NEK8: variants seen among roughly 807,000 people sequenced by gnomAD.
NEK8 encodes the protein serine/threonine-protein kinase Nek8.
A neutral mutation model predicts 77.2 loss-of-function variants in NEK8; 51 were observed. That is an observed-to-expected ratio of 0.66 (90% CI 0.53 to 0.83). The LOEUF is 0.83. NEK8 is among the 40% of genes least tolerant of loss of function. The pLI is 0.00. For missense variants in NEK8, 787 were observed against 909.2 expected (o/e 0.87, Z 1.73); for synonymous variants, 365 against 363.2 (o/e 1.00, Z -0.06).
Position 28,740,899 on chromosome 17 carries a change from G to A in NEK8, c.1646G>A (p.Ser549Asn), listed in dbSNP as rs764662024. 6.2e-7 allele frequency: 1 copy of A among 1,614,148 alleles called. No homozygotes were observed. Among genetic ancestry groups the A allele is most frequent in the African/African-American group, 1.3e-5 (1 of 75,048 alleles). ...VPHQQVEEAL[S>N]FTLLGSAPLD... ...CACCAGCAAGTGGAGGAGGCCCTGAGCTTCACACTACTAGGCTCTGCACCC... is the reference window on the plus strand; with the variant it reads ...CACCAGCAAGTGGAGGAGGCCCTGAACTTCACACTACTAGGCTCTGCACCC... Residue 549 changes from serine (S) to asparagine (N), a missense_variant, in exon 12 of 15, where the codon AGC becomes AAC. Coordinates refer to ENST00000268766, the MANE Select transcript of NEK8 (RefSeq NM_178170.3). This position sits in a 1 kb window ranked among gnomAD's most constrained non-coding sequence, Gnocchi z 4.7.
At position 28,739,214 on chromosome 17, in the gene NEK8, C is replaced by G. The variant is rs779260318; in HGVS notation, c.1417+13C>G. ...CGTGGAGACAGCGGTAAGCTCCAGC[C>G]TTTAGGCCCCATCTCACAGCATCCT... On this transcript the variant is annotated intron_variant, in intron 10 of 14. Coordinates refer to ENST00000268766, the MANE Select transcript of NEK8 (RefSeq NM_178170.3). The G allele has an allele frequency of 9.0e-6, 14 of 1,563,670 alleles. 1 individual carries two copies. The Admixed American group carries it at 2.3e-4, about 26-fold the overall frequency.
chr17:28,740,715 G>T lies in NEK8; in HGVS notation c.1568+102G>T. ...TTTCACCAAAGACCAGAATTGAGGG[G>T]GTTGAGGGTGCTATTGGTTCAACCC... On this transcript the variant is annotated intron_variant, in intron 11 of 14. Coordinates refer to ENST00000268766, the MANE Select transcript of NEK8 (RefSeq NM_178170.3). The surrounding 1 kb of genome is among the most constrained non-coding windows in gnomAD (Gnocchi z 4.7). 6.3e-7 allele frequency: 1 copy of T among 1,575,836 alleles called. No homozygotes were observed. Among genetic ancestry groups the T allele is most frequent in the Non-Finnish European group, 8.7e-7 (1 of 1,146,586 alleles).
Position 28,738,241 on chromosome 17 carries a change from G to A in NEK8, c.1218G>A (p.Leu406=). The change falls in exon 8 of 15, where the codon CTG becomes CTA. Residue 406 remains leucine, a synonymous_variant. Coordinates refer to ENST00000268766, the MANE Select transcript of NEK8 (RefSeq NM_178170.3). ...GTGGGGACTTCTTCACTGCCTGCCT[G>A]ACTGGTGAGTTGTCGGGCCTACCTT... ...VACGDFFTAC[L]TDRGIIMTFG... The A allele has an allele frequency of 6.2e-7, 1 of 1,614,184 alleles. No individual in the cohort carries two copies. Among genetic ancestry groups the A allele is most frequent in the South Asian group, 1.1e-5 (1 of 91,064 alleles).
chr17:28,742,074 A>T lies in NEK8; in HGVS notation c.*87A>T, dbSNP rs1290002301. ...TGCAGGTGCCCAAGGCATGACTTGC[A>T]GCTGTCTCCTGGATTGTGTCATCAT... On this transcript the variant is annotated 3_prime_UTR_variant, in exon 15 of 15. Transcript: ENST00000268766. The T allele has an allele frequency of 1.1e-5, 14 of 1,288,228 alleles. No individual in the cohort carries two copies. The highest frequency in any genetic ancestry group is 1.6e-5 in the Non-Finnish European group (14 of 882,576). 79.8% of individuals were successfully genotyped at this position (1,288,228 alleles called of 1,614,324 possible).
In NEK8 at chr17:28,740,455, T is replaced by A; in HGVS notation, c.1418-8T>A. The A allele has an allele frequency of 6.2e-7, 1 of 1,614,042 alleles. No homozygotes were observed. Reference sequence around the variant, plus strand: ...TCAAATTAACTCCTTCTGGGTTTCTTCTTGTAGGCAGACTGGGGCTAGGCA... The same window carrying A: ...TCAAATTAACTCCTTCTGGGTTTCTACTTGTAGGCAGACTGGGGCTAGGCA... On this transcript the variant is annotated splice_polypyrimidine_tract_variant and splice_region_variant and intron_variant, in intron 10 of 14. Coordinates refer to ENST00000268766, the MANE Select transcript of NEK8 (RefSeq NM_178170.3). The surrounding 1 kb of genome is among the most constrained non-coding windows in gnomAD (Gnocchi z 4.7).
rs758472009 is a variant in NEK8 at position 28,737,721 on chromosome 17, A to AGT, written c.877_878dup (p.Arg294SerfsTer11). ...CAGCAACACAGGGAGCAGGACCACC[A>AGT]GTGTCCGCTGCAGAGGTAAGTGGGA... On this transcript the variant is annotated frameshift_variant, in exon 6 of 15. Coordinates refer to ENST00000268766, the MANE Select transcript of NEK8 (RefSeq NM_178170.3). LOFTEE classifies it high-confidence loss of function. This position sits in a 1 kb window ranked among gnomAD's most constrained non-coding sequence, Gnocchi z 4.8. 6.2e-7 allele frequency: 1 copy of AGT among 1,614,150 alleles called. No individual in the cohort carries two copies. Among genetic ancestry groups the AGT allele is most frequent in the South Asian group, 1.1e-5 (1 of 91,082 alleles).
chr17:28,737,354 A>G lies in NEK8; in HGVS notation c.667A>G (p.Ile223Val), dbSNP rs965652855. Residue 223 changes from isoleucine to valine, a missense_variant, in exon 5 of 15, where the codon ATC becomes GTC. By Grantham distance (29) the Ile-to-Val change is conservative. Coordinates refer to ENST00000268766, the MANE Select transcript of NEK8 (RefSeq NM_178170.3). The surrounding 1 kb of genome is among the most constrained non-coding windows in gnomAD (Gnocchi z 4.8). The part of the protein sequence containing the change: ...LKIMSGTFAP[I>V]SDRYSPELRQ... ...GATCATGAGTGGCACCTTTGCACCT[A>G]TCTCTGACCGGTACAGCCCTGAGCT... is the stretch of plus-strand genomic sequence containing the variant. 9.3e-6 allele frequency: 15 copies of G among 1,613,792 alleles called. No homozygotes were observed. The highest frequency in any genetic ancestry group is 1.2e-5 in the Non-Finnish European group (14 of 1,179,986).
Position 28,741,707 on chromosome 17 carries a change from G to A in NEK8, c.2050+136G>A. On this transcript the variant is annotated intron_variant, in intron 14 of 14. Coordinates refer to ENST00000268766, the MANE Select transcript of NEK8 (RefSeq NM_178170.3). This position sits in a 1 kb window ranked among gnomAD's most constrained non-coding sequence, Gnocchi z 4.5. ...GATAAAAAAAGCAGAAGCTGCGGTT[G>A]AAAAGCTTCAAGCTTCCTGCCTGGG... 2.5e-6 allele frequency: 3 copies of A among 1,222,768 alleles called. No individual in the cohort carries two copies. The highest frequency in any genetic ancestry group is 2.4e-5 in the South Asian group (2 of 81,780). 75.7% of individuals were successfully genotyped at this position (1,222,768 alleles called of 1,614,324 possible).
In NEK8 at chr17:28,740,401, C is replaced by G; in HGVS notation, c.1418-62C>G. ...CTGTTCCCTCCCCTCAGTGGGCCCT[C>G]CTCATTCGGGCATCACCCCCACTAA... is the stretch of plus-strand genomic sequence containing the variant. On this transcript the variant is annotated intron_variant, in intron 10 of 14. Coordinates refer to ENST00000268766, the MANE Select transcript of NEK8 (RefSeq NM_178170.3). The surrounding 1 kb of genome is among the most constrained non-coding windows in gnomAD (Gnocchi z 4.7). 1 of 1,474,244 alleles carries G rather than the reference C, an allele frequency of 6.8e-7. No homozygotes were observed. Among genetic ancestry groups the G allele is most frequent in the Non-Finnish European group, 9.5e-7 (1 of 1,052,684 alleles). The allele number at this position is 1,474,244 out of a possible 1,614,324, so 91.3% of individuals were successfully genotyped here.
intron 4 of NEK8, among the ~76,000 whole-genome samples, chr17:28,735,580 G>A (rs139872764): frequency 6.6e-6 from 1 of 152,056 alleles, no homozygotes; most frequent in East Asian, 1.9e-4. Context: ...CCTGAGGGCA[G>A]GGCTGTGGCT....
At chr17:28,732,695 G>A (rs903374641) in intron 1 of NEK8, among the ~76,000 whole-genome samples, 19 of 150,882 alleles carry the variant, frequency 1.3e-4, no homozygotes, top group Non-Finnish European at 1.5e-5. Flanking sequence ...GGGATTACAG[G>A]CGCCTGCCAC....
intron 1 of NEK8, among the ~76,000 whole-genome samples, chr17:28,732,629 G>A (rs2034321648): frequency 7.3e-6 from 1 of 136,860 alleles, no homozygotes; most frequent in South Asian, 2.3e-4. Flanking sequence ...TCGGCTCACA[G>A]CAAGCTCCAC....
At chr17:28,728,913 C>A in intron 1 of NEK8, 53 bp downstream of exon 1, 1 of 1,472,598 alleles carries the variant, frequency 6.8e-7, no homozygotes, top group Non-Finnish European at 9.3e-7. Context: ...AAAATAAGCC[C>A]CAATTCCGCC....
chr17:28,735,332 C>G lies in NEK8; in HGVS notation c.579C>G (p.Leu193=). ...KSDIWALGCV[L]YELASLKRAF... ...ACATCTGGGCCCTGGGCTGTGTCCT[C>G]TACGAGCTGGCCAGCCTCAAGAGGG... The change falls in exon 4 of 15, where the codon CTC becomes CTG. Residue 193 remains leucine, a synonymous_variant. Transcript: ENST00000268766. 3 of 1,614,070 alleles carry G rather than the reference C, an allele frequency of 1.9e-6. No homozygotes were observed. The highest frequency in any genetic ancestry group is 1.7e-5 in the Admixed American group (1 of 60,018).
Position 28,742,177 on chromosome 17 carries a change from C to T in NEK8, c.*190C>T. 4 of 692,068 alleles carry T rather than the reference C, an allele frequency of 5.8e-6. No homozygotes were observed. The highest frequency in any genetic ancestry group is 1.7e-5 in the African/African-American group (1 of 57,440). 42.9% of individuals were successfully genotyped at this position (692,068 alleles called of 1,614,324 possible). A position where few individuals can be genotyped will look rare whatever the true frequency, so the allele number is the denominator to read the frequency against. On this transcript the variant is annotated 3_prime_UTR_variant, in exon 15 of 15. Coordinates refer to ENST00000268766, the MANE Select transcript of NEK8 (RefSeq NM_178170.3). ...AACCTCAACCACTTTGTTCTCCTACCACCTCTTTGCCCTTCCTACCCCTTC... is the reference window on the plus strand; with the variant it reads ...AACCTCAACCACTTTGTTCTCCTACTACCTCTTTGCCCTTCCTACCCCTTC...
intron 9 of NEK8, 77 bp downstream of exon 9, chr17:28,738,824 T>G: frequency 8.3e-7 from 1 of 1,198,250 alleles, no homozygotes; most frequent in Non-Finnish European, 1.2e-6. Context: ...GACACCAGAT[T>G]GGGGGCAGGG....
chr17:28,731,041 T>C (rs1335379171), intron 1 of NEK8, among the ~76,000 whole-genome samples: 1 of 147,482 alleles, frequency 6.8e-6, no homozygotes, highest in African/African-American at 2.5e-5. Flanking sequence ...TCACCTGAGG[T>C]CAAGAGTTCG....
rs999014166 is a variant in NEK8, at chr17:28,741,214, C to G, written c.1869C>G (p.Ala623=). Reference sequence around the variant, plus strand: ...TGGCAATGGTAGCCTGTGGGGATGCCTTCACTGTAGCTATTGGGGCAGGTG... The same window carrying G: ...TGGCAATGGTAGCCTGTGGGGATGCGTTCACTGTAGCTATTGGGGCAGGTG... ...IKMAMVACGD[A]FTVAIGAESE... The change falls in exon 13 of 15, where the codon GCC becomes GCG. Residue 623 remains alanine (A), a synonymous_variant. Transcript: ENST00000268766. This position sits in a 1 kb window ranked among gnomAD's most constrained non-coding sequence, Gnocchi z 4.5. 6.2e-7 allele frequency: 1 copy of G among 1,610,170 alleles called. No homozygotes were observed.
Position 28,743,100 on chromosome 17 carries a change from AAAG to A in NEK8, c.*1114_*1116del. On this transcript the variant is annotated 3_prime_UTR_variant, in exon 15 of 15. Coordinates refer to ENST00000268766, the MANE Select transcript of NEK8 (RefSeq NM_178170.3). ...AAAAAAAAAAAAAAAAAAAAAAAAA[AAAG>A]TATTTGGTGCTTACCGGGACTCTAT... 1 of 144,996 alleles carries A rather than the reference AAAG, an allele frequency of 6.9e-6. No individual in the cohort carries two copies. Among genetic ancestry groups the A allele is most frequent in the Non-Finnish European group, 1.5e-5 (1 of 65,862 alleles). The allele number at this position is 144,996 out of a possible 1,614,324, so 9.0% of individuals were successfully genotyped here.
Sources: allele counts gnomAD v4.1 joint callset (sites outside exome capture counted in the v4.1 genomes callset), GRCh38; gene constraint gnomAD v4.1.1; non-coding constraint Gnocchi (gnomAD v3.1); transcripts MANE v1.5; gene names NCBI Gene and HGNC (gene_info 2026-07-23, HGNC 2026-07-21).